Variants in ADAMTSL3 observed in about 807,000 individuals in gnomAD.
ADAMTSL3 encodes ADAMTS like 3, also known as ADAMTS-like protein 3.
A neutral mutation model predicts 201.7 loss-of-function variants in ADAMTSL3; 128 were observed. That is an observed-to-expected ratio of 0.63 (90% CI 0.55 to 0.73). The LOEUF (loss-of-function observed/expected upper bound fraction) is 0.73, where lower values mean the gene tolerates loss of function less well. Among genes scored for constraint, ADAMTSL3 ranks in the 30% least tolerant of loss-of-function variants. The probability of loss-of-function intolerance (pLI) is 0.00; values close to 1 mark genes in which losing one functional copy is unlikely to be tolerated. For synonymous variants in ADAMTSL3, 738 were observed against 748.4 expected (o/e 0.99, Z 0.23); for missense variants, 1,990 against 2,119.6 (o/e 0.94, Z 1.20).
intron 23 of ADAMTSL3, 112 bp downstream of exon 23, chr15:83,991,326 T>C (rs1352559168): frequency 2.7e-6 from 4 of 1,494,410 alleles, no homozygotes; most frequent in East Asian, 4.5e-5. Context: ...CTCAGCCTGA[T>C]AGGCTTAAAA....
chr15:84,007,563 A>C (rs1017843020), intron 23 of ADAMTSL3, among the ~76,000 whole-genome samples: 1 of 152,184 alleles, frequency 6.6e-6, no homozygotes, highest in Non-Finnish European at 1.5e-5. Context: ...TCACTAAAAA[A>C]ATAAAAATCC....
intron 16 of ADAMTSL3, among the ~76,000 whole-genome samples, chr15:83,919,628 A>G (rs2066100401): frequency 6.6e-6 from 1 of 152,186 alleles, no homozygotes; most frequent in African/African-American, 2.4e-5. Flanking sequence ...GTTAAAGAAA[A>G]CAGAGGAGGA....
intron 6 of ADAMTSL3, among the ~76,000 whole-genome samples, chr15:83,825,919 G>C (rs2064012602): frequency 6.6e-6 from 1 of 152,080 alleles, no homozygotes; most frequent in South Asian, 2.1e-4. Flanking sequence ...GTAGAGAGAG[G>C]AGCTGTTTCA....
At chr15:83,755,036 A>T (rs1273300202) in intron 3 of ADAMTSL3, among the ~76,000 whole-genome samples, 1 of 152,140 alleles carries the variant, frequency 6.6e-6, no homozygotes, top group East Asian at 1.9e-4. Context: ...CCTGTTATTT[A>T]TTCAAAGTTT....
At chr15:83,717,995 A>G (rs1173213777) in intron 3 of ADAMTSL3, among the ~76,000 whole-genome samples, 1 of 152,194 alleles carries the variant, frequency 6.6e-6, no homozygotes, top group Non-Finnish European at 1.5e-5. Context: ...TATTCTTGAT[A>G]TGGGAAAAAG....
chr15:83,763,671 AT>A (rs1356517018), intron 3 of ADAMTSL3, among the ~76,000 whole-genome samples: 7 of 151,906 alleles, frequency 4.6e-5, no homozygotes, highest in African/African-American at 1.5e-4. Flanking sequence ...TGCCTGGCTA[AT>A]TTTTTTGTAT....
At chr15:83,803,810 A>G (rs538429718) in intron 4 of ADAMTSL3, among the ~76,000 whole-genome samples, 5 of 152,304 alleles carry the variant, frequency 3.3e-5, no homozygotes, top group Admixed American at 1.3e-4. Context: ...TACTGTTCCA[A>G]CATGACTTGG....
chr15:83,912,466 C>A (rs1292125541), intron 15 of ADAMTSL3, among the ~76,000 whole-genome samples: 2 of 152,132 alleles, frequency 1.3e-5, no homozygotes, highest in Non-Finnish European at 2.9e-5. Flanking sequence ...AGTTTGATGA[C>A]CTTTGATTTA....
At chr15:83,904,176 T>A (rs2065790619) in intron 15 of ADAMTSL3, among the ~76,000 whole-genome samples, 1 of 151,842 alleles carries the variant, frequency 6.6e-6, no homozygotes, top group South Asian at 2.1e-4. Flanking sequence ...AGCAGCTGCC[T>A]CTTCCCACCT....
At chr15:84,025,135 A>G (rs748678277) in intron 26 of ADAMTSL3, 103 bp from the exon 27 acceptor site, 12 of 958,328 alleles carry the variant, frequency 1.3e-5, no homozygotes, top group Non-Finnish European at 1.8e-5. Flanking sequence ...GTGACAGCCT[A>G]AGATAGCCAT....
chr15:83,693,029 C>T (rs2061634027), intron 2 of ADAMTSL3, among the ~76,000 whole-genome samples: 1 of 152,078 alleles, frequency 6.6e-6, no homozygotes, highest in South Asian at 2.1e-4. Flanking sequence ...GGAGGTGTCT[C>T]ATTGCCAAAT....
In ADAMTSL3 at chr15:83,810,576, C is replaced by T. The variant is rs76529464; in HGVS notation, c.363+5881C>T. ...GAAGTCTGACACAGGTCCTACTGGG[C>T]TAAAACTAACATATAGGCAGGGCTA... On this transcript the variant is annotated intron_variant, in intron 5 of 29. Coordinates refer to ENST00000286744, the MANE Select transcript of ADAMTSL3 (RefSeq NM_207517.3). Among the ~76,000 whole-genome samples the T allele has an allele frequency of 6.9e-4, 105 of 152,318 alleles. 1 individual carries two copies. The East Asian group carries it at 0.019, about 28-fold the overall frequency.
chr15:83,733,486 G>A (rs1555435357), intron 3 of ADAMTSL3, among the ~76,000 whole-genome samples: 1 of 152,086 alleles, frequency 6.6e-6, no homozygotes, highest in Non-Finnish European at 1.5e-5. Context: ...CTGGTGCTAG[G>A]TTCATTGTCC....
chr15:83,671,304 G>T (rs2061326307), intron 2 of ADAMTSL3, among the ~76,000 whole-genome samples: 1 of 152,102 alleles, frequency 6.6e-6, no homozygotes, highest in African/African-American at 2.4e-5. Flanking sequence ...CTTTTTGGGG[G>T]CAGCCCTTCT....
intron 6 of ADAMTSL3, among the ~76,000 whole-genome samples, chr15:83,831,305 A>G (rs1192621909): frequency 6.6e-6 from 1 of 152,160 alleles, no homozygotes; most frequent in Non-Finnish European, 1.5e-5. Flanking sequence ...GCACAAGTCA[A>G]CCCACTACAC....
chr15:83,987,168 A>G (rs1339624787), intron 21 of ADAMTSL3, among the ~76,000 whole-genome samples: 2 of 152,148 alleles, frequency 1.3e-5, no homozygotes, highest in African/African-American at 4.8e-5. Flanking sequence ...TTAACCAACT[A>G]TTTCTCCTCC....
intron 9 of ADAMTSL3, among the ~76,000 whole-genome samples, chr15:83,873,017 GA>G (rs749622025): frequency 8.9e-5 from 13 of 145,786 alleles, no homozygotes; most frequent in Non-Finnish European, 1.5e-4. Context: ...TTAAAAGGAA[GA>G]ATGTGGCTGG....
intron 4 of ADAMTSL3, among the ~76,000 whole-genome samples, chr15:83,802,286 A>G (rs1476629262): frequency 7.2e-5 from 11 of 152,170 alleles, no homozygotes; most frequent in Non-Finnish European, 1.5e-4. Flanking sequence ...GACAAAAATG[A>G]AAACCTAAAG....
Position 83,819,936 on chromosome 15 carries a change from C to T in ADAMTSL3, c.489C>T (p.Leu163=). 2.5e-6 allele frequency: 4 copies of T among 1,614,080 alleles called. No individual in the cohort carries two copies. The highest frequency in any genetic ancestry group is 2.5e-6 in the Non-Finnish European group (3 of 1,179,998). ...ATGATCCTGCTGCCCCGTGTGCACT[C>T]AAGTGTCATGCACAAGGACAAAACT... ...RYNDPAAPCA[L]KCHAQGQNLV... The change falls in exon 6 of 30, where the codon CTC becomes CTT. Residue 163 remains leucine, a synonymous_variant. Coordinates refer to ENST00000286744, the MANE Select transcript of ADAMTSL3 (RefSeq NM_207517.3).
Sources: allele counts gnomAD v4.1 joint callset (sites outside exome capture counted in the v4.1 genomes callset), GRCh38; gene constraint gnomAD v4.1.1; transcripts MANE v1.5; gene names NCBI Gene and HGNC (gene_info 2026-07-23, HGNC 2026-07-21).